The following SLC25A24 variants were observed in gnomAD, a reference collection of about 807,000 sequenced individuals.
SLC25A24 encodes the protein mitochondrial adenyl nucleotide antiporter SLC25A24.
A neutral mutation model predicts 60.7 loss-of-function variants in SLC25A24; 49 were observed. The ratio of observed to expected loss-of-function variants is 0.81; its 90% CI spans 0.64 to 1.02. The LOEUF (loss-of-function observed/expected upper bound fraction) is 1.02. Among genes scored for constraint, SLC25A24 ranks in the 50% least tolerant of loss-of-function variants. The pLI, the probability that SLC25A24 is intolerant of heterozygous loss-of-function variation, is 0.00. For missense variants in SLC25A24, 564 were observed against 586.3 expected, an observed-to-expected ratio of 0.96 and a Z score of 0.39; for synonymous variants, 202 against 200.6, an observed-to-expected ratio of 1.01 and a Z score of -0.06.
Position 108,134,891 on chromosome 1 carries a change from A to G in SLC25A24, c.*1762T>C, listed in dbSNP as rs1351067433. Reference sequence around the variant, plus strand: ...TATTCAGTACTACCAGAAATATACTATCTTCAACTCTCGGCTTTTTTCCAA... The same window carrying G: ...TATTCAGTACTACCAGAAATATACTGTCTTCAACTCTCGGCTTTTTTCCAA... On this transcript the variant is annotated 3_prime_UTR_variant, in exon 10 of 10. Transcript: ENST00000565488. The G allele has an allele frequency of 6.6e-6, 1 of 152,192 alleles. No individual in the cohort carries two copies. Among genetic ancestry groups the G allele is most frequent in the African/African-American group, 2.4e-5 (1 of 41,448 alleles). 9.4% of individuals were successfully genotyped at this position (152,192 alleles called of 1,614,324 possible).
intron 1 of SLC25A24, among the ~76,000 whole-genome samples, chr1:108,189,658 T>G (rs1165678455): frequency 6.6e-6 from 1 of 151,718 alleles, no homozygotes; most frequent in East Asian, 1.9e-4. Flanking sequence ...CTACTAAAAT[T>G]TAAAACAATT....
intron 3 of SLC25A24, among the ~76,000 whole-genome samples, chr1:108,171,895 TA>T (rs1647474849): frequency 6.6e-6 from 1 of 152,146 alleles, no homozygotes; most frequent in Admixed American, 6.5e-5. Flanking sequence ...AGAGTAGAAT[TA>T]AGAGTTTCAA....
chr1:108,200,064 C>G lies in SLC25A24; in HGVS notation c.75G>C (p.Glu25Asp). ...TGCGGTCCAGTGCCTGGAAGAGGGT[C>G]TCGTAGCGCGTCGGCTGCTCCGCGT... ...CQDAEQPTRY[E>D]TLFQALDRNG... Residue 25 changes from glutamate to aspartate, a missense_variant, in exon 1 of 10, where the codon GAG becomes GAC. Glu to Asp is a conservative substitution (Grantham distance 45). Coordinates refer to ENST00000565488, the MANE Select transcript of SLC25A24 (RefSeq NM_013386.5). 1 of 1,598,950 alleles carries G rather than the reference C, an allele frequency of 6.3e-7. No individual in the cohort carries two copies. Among genetic ancestry groups the G allele is most frequent in the Non-Finnish European group, 8.5e-7 (1 of 1,173,292 alleles).
rs74112059 is a variant in SLC25A24 at position 108,188,897 on chromosome 1, T to C, written c.184-2943A>G. Reference sequence around the variant, plus strand: ...ATCCGGGGGGAGTTAGTATAAAATATGTGGTGGAAATTTGGGCTGTAACAT... The same window carrying C: ...ATCCGGGGGGAGTTAGTATAAAATACGTGGTGGAAATTTGGGCTGTAACAT... On this transcript the variant is annotated intron_variant, in intron 1 of 9. Coordinates refer to ENST00000565488, the MANE Select transcript of SLC25A24 (RefSeq NM_013386.5). 4.6e-3 allele frequency among the ~76,000 whole-genome samples: 699 copies of C among 152,256 alleles called. 4 individuals are homozygous for C. The highest frequency in any genetic ancestry group is 0.016 in the African/African-American group (646 of 41,516).
At position 108,150,217 on chromosome 1, in the gene SLC25A24, A is replaced by T. The variant is rs909393112; in HGVS notation, c.823-1831T>A. On this transcript the variant is annotated intron_variant, in intron 6 of 9. Coordinates refer to ENST00000565488, the MANE Select transcript of SLC25A24 (RefSeq NM_013386.5). ...AAACGTTTAGTGACTGATGGAGGATAAATATTTAAAGGATAAGTGCTTGAG... is the reference window on the plus strand; with the variant it reads ...AAACGTTTAGTGACTGATGGAGGATTAATATTTAAAGGATAAGTGCTTGAG... Among the ~76,000 whole-genome samples the T allele has an allele frequency of 1.1e-4, 16 of 152,336 alleles. 1 individual carries two copies. The East Asian group carries it at 2.9e-3, about 28-fold the overall frequency.
At chr1:108,146,518 C>G (rs556295053) in intron 7 of SLC25A24, among the ~76,000 whole-genome samples, 3 of 152,244 alleles carry the variant, frequency 2.0e-5, no homozygotes, top group Admixed American at 2.0e-4. Flanking sequence ...ATGCTTCCAG[C>G]TTTTGCCCAT....
Position 108,148,394 on chromosome 1 carries a change from A to C in SLC25A24, c.823-8T>G, listed in dbSNP as rs766161746. The C allele has an allele frequency of 2.6e-6, 4 of 1,518,272 alleles. No individual in the cohort carries two copies. The highest frequency in any genetic ancestry group is 2.2e-5 in the South Asian group (2 of 89,252). The allele number at this position is 1,518,272 out of a possible 1,614,324, so 94.1% of individuals were successfully genotyped here. The stretch of plus-strand genomic sequence containing the variant: ...AGTAAGTAACTTCTTGTACTGTATA[A>C]ACAAGTTTTAAAATGCACATTACTA... On this transcript the variant is annotated splice_region_variant and splice_polypyrimidine_tract_variant and intron_variant, in intron 6 of 9. Coordinates refer to ENST00000565488, the MANE Select transcript of SLC25A24 (RefSeq NM_013386.5).
At chr1:108,196,508 C>T (rs1163593273) in intron 1 of SLC25A24, among the ~76,000 whole-genome samples, 3 of 152,182 alleles carry the variant, frequency 2.0e-5, no homozygotes, top group Non-Finnish European at 4.4e-5. Context: ...ACACCAAGGA[C>T]GGAACTCTCT....
chr1:108,162,278 G>A (rs1338103331), intron 3 of SLC25A24, among the ~76,000 whole-genome samples: 6 of 145,384 alleles, frequency 4.1e-5, no homozygotes, highest in Non-Finnish European at 4.5e-5. Context: ...CTTTATAGCA[G>A]CATGATTTAT....
At chr1:108,195,671 T>C (rs1023104483) in intron 1 of SLC25A24, among the ~76,000 whole-genome samples, 1 of 152,158 alleles carries the variant, frequency 6.6e-6, no homozygotes, top group Non-Finnish European at 1.5e-5. Context: ...CTTAATATTG[T>C]GCCAGAAACC....
At chr1:108,175,031 C>T (rs541061120) in intron 3 of SLC25A24, among the ~76,000 whole-genome samples, 56 of 152,160 alleles carry the variant, frequency 3.7e-4, no homozygotes, top group African/African-American at 1.3e-3. Flanking sequence ...TTTAGGTTAA[C>T]GCTGGAATGA....
chr1:108,147,205 G>A (rs1233033000), intron 7 of SLC25A24, among the ~76,000 whole-genome samples: 1 of 152,156 alleles, frequency 6.6e-6, no homozygotes, highest in African/African-American at 2.4e-5. Flanking sequence ...TTTGCATAGA[G>A]GTGTTTATAG....
intron 3 of SLC25A24, among the ~76,000 whole-genome samples, chr1:108,168,422 T>G (rs1024093909): frequency 6.6e-6 from 1 of 152,192 alleles, no homozygotes; most frequent in African/African-American, 2.4e-5. Flanking sequence ...TTTTTTAATT[T>G]CATTCAAAGT....
chr1:108,192,910 C>T (rs939905838), intron 1 of SLC25A24: 4 of 471,182 alleles, frequency 8.5e-6, no homozygotes, highest in African/African-American at 1.9e-5. Flanking sequence ...GCCTCACTCA[C>T]GTCTGATCAG....
At position 108,158,797 on chromosome 1, in the gene SLC25A24, C is replaced by G. The variant is rs941016790; in HGVS notation, c.511-1177G>C. ...CGGGCGGATTACAAGGTCAGGAGAT[C>G]GAGACCATCCTGGCTAACACGGTGA... On this transcript the variant is annotated intron_variant, in intron 4 of 9. Transcript: ENST00000565488. Among the ~76,000 whole-genome samples the G allele has an allele frequency of 9.3e-5, 14 of 151,252 alleles. No individual in the cohort carries two copies. In the East Asian group the frequency reaches 1.2e-3, roughly 13 times the overall value.
chr1:108,160,525 G>A (rs1289172716), intron 4 of SLC25A24, among the ~76,000 whole-genome samples: 7 of 151,968 alleles, frequency 4.6e-5, no homozygotes, highest in African/African-American at 1.2e-4. Flanking sequence ...AGGCAGAGAC[G>A]CTCCTCACTT....
At chr1:108,180,617 TC>T (rs1335938594) in intron 3 of SLC25A24, among the ~76,000 whole-genome samples, 71 of 7,480 alleles carry the variant, frequency 9.5e-3, no homozygotes, top group Non-Finnish European at 0.022. Flanking sequence ...AAGAGAAAGA[TC>T]TCTCTCTCTC....
intron 2 of SLC25A24, among the ~76,000 whole-genome samples, chr1:108,184,440 G>A (rs79990561): frequency 0.052 from 7,879 of 152,288 alleles, 277 homozygotes; most frequent in South Asian, 0.1. Context: ...AGGCTTATGG[G>A]CAACAAATGT....
chr1:108,169,340 A>G (rs1558019426), intron 3 of SLC25A24, among the ~76,000 whole-genome samples: 1 of 152,180 alleles, frequency 6.6e-6, no homozygotes, highest in African/African-American at 2.4e-5. Flanking sequence ...AATTCCTCAA[A>G]AAAACCAGGT....
Sources: gnomAD v4.1 joint callset for allele counts (sites outside exome capture counted in the v4.1 genomes callset) on GRCh38, gnomAD v4.1.1 for gene constraint, MANE v1.5 for transcripts, NCBI Gene and HGNC (gene_info 2026-07-23, HGNC 2026-07-21) for gene names.